HRH4: variants seen among roughly 807,000 people sequenced by gnomAD.
HRH4 encodes histamine receptor H4, also known as histamine H4 receptor.
Under a neutral mutation model 10.4 loss-of-function variants are expected in HRH4, and 12 were observed. The ratio of observed to expected loss-of-function variants is 1.15; its 90% confidence interval spans 0.74 to 1.87. The LOEUF is 1.87. Ranked by LOEUF, HRH4 falls within the 40% of genes most tolerant of loss-of-function variation. HRH4 has a pLI of 0.00. For missense variants in HRH4, 415 were observed against 453.3 expected, an observed-to-expected ratio of 0.92 and a Z score of 0.77; for synonymous variants, 154 against 166.6, an observed-to-expected ratio of 0.92 and a Z score of 0.58.
chr18:24,477,646 C>T lies in HRH4; in HGVS notation c.*84C>T. 1 of 882,552 alleles carries T rather than the reference C, an allele frequency of 1.1e-6. No individual in the cohort carries two copies. Among genetic ancestry groups the T allele is most frequent in the Non-Finnish European group, 1.7e-6 (1 of 585,910 alleles). The allele number at this position is 882,552 out of a possible 1,614,324, so 54.7% of individuals were successfully genotyped here. On this transcript the variant is annotated 3_prime_UTR_variant, in exon 3 of 3. Transcript: ENST00000256906. ...TGCCCTTTATCTTGCCCTTTTCATTCTACCAACAGATCTGCACTTTGAAGT... is the reference window on the plus strand; with the variant it reads ...TGCCCTTTATCTTGCCCTTTTCATTTTACCAACAGATCTGCACTTTGAAGT...
chr18:24,471,229 C>T (rs1909939736), intron 2 of HRH4, among the ~76,000 whole-genome samples: 1 of 151,996 alleles, frequency 6.6e-6, no homozygotes, highest in South Asian at 2.1e-4. Flanking sequence ...TTTCAAACTG[C>T]TGGCCTTGAC....
intron 2 of HRH4, among the ~76,000 whole-genome samples, chr18:24,474,426 CT>C (rs1430001917): frequency 6.6e-6 from 1 of 152,030 alleles, no homozygotes; most frequent in African/African-American, 2.4e-5. Flanking sequence ...AAATTATTAA[CT>C]AGCTTTCTTT....
chr18:24,466,015 T>G (rs1599775469), intron 1 of HRH4, among the ~76,000 whole-genome samples: 1 of 152,114 alleles, frequency 6.6e-6, no homozygotes, highest in South Asian at 2.1e-4. Context: ...TTGGGAACAT[T>G]GGAAGCCACA....
intron 2 of HRH4, among the ~76,000 whole-genome samples, chr18:24,472,342 G>A (rs926938795): frequency 7.2e-5 from 11 of 152,086 alleles, no homozygotes; most frequent in Non-Finnish European, 8.8e-5. Context: ...CACCATGCCC[G>A]GCCTGTTTTT....
intron 1 of HRH4, among the ~76,000 whole-genome samples, chr18:24,464,823 G>A (rs1909731962): frequency 6.6e-6 from 1 of 151,992 alleles, no homozygotes; most frequent in African/African-American, 2.4e-5. Context: ...GTTTCTACTG[G>A]GAGCAGGGGC....
rs1910242329 is a variant in HRH4, at chr18:24,479,279, T to C, written c.*1717T>C. On this transcript the variant is annotated 3_prime_UTR_variant, in exon 3 of 3. Transcript: ENST00000256906. ...ACAAGACACCACAATAATTATTGCC[T>C]GTATGTCAATTATTATTTTAAAATA... The C allele has an allele frequency of 6.6e-6, 1 of 152,188 alleles. No individual in the cohort carries two copies. Among genetic ancestry groups the C allele is most frequent in the African/African-American group, 2.4e-5 (1 of 41,444 alleles). The allele number at this position is 152,188 out of a possible 1,614,324, so 9.4% of individuals were successfully genotyped here.
chr18:24,464,547 C>G (rs147851517), intron 1 of HRH4, among the ~76,000 whole-genome samples: 1 of 152,154 alleles, frequency 6.6e-6, no homozygotes, highest in Non-Finnish European at 1.5e-5. Context: ...TCCACACATT[C>G]CTCTGGCGGC....
At chr18:24,473,540 G>A (rs112791876) in intron 2 of HRH4, among the ~76,000 whole-genome samples, 5,622 of 152,224 alleles carry the variant, frequency 0.037, 173 homozygotes, top group African/African-American at 0.071. Context: ...CTGTTGTAAC[G>A]TGGTGTTGTC....
Position 24,460,754 on chromosome 18 carries a change from A to G in HRH4, c.26A>G (p.Asn9Ser). The stretch of plus-strand genomic sequence containing the variant: ...ATGCCAGATACTAATAGCACAATCA[A>G]TTTATCACTAAGCACTCGTGTTACT... MPDTNSTINLSLSTRVTLA... is the reference protein window; with the variant it reads MPDTNSTISLSLSTRVTLA... Residue 9 changes from asparagine (N) to serine (S), a missense_variant, in exon 1 of 3, where the codon AAT (asparagine) becomes AGT (serine). By Grantham distance (46) the Asn-to-Ser change is conservative. Coordinates refer to ENST00000256906, the MANE Select transcript of HRH4 (RefSeq NM_021624.4). 2 of 1,526,024 alleles carry G rather than the reference A, an allele frequency of 1.3e-6. No homozygotes were observed. Among genetic ancestry groups the G allele is most frequent in the Non-Finnish European group, 1.8e-6 (2 of 1,122,812 alleles). 94.5% of individuals were successfully genotyped at this position (1,526,024 alleles called of 1,614,324 possible). A position where few individuals can be genotyped will look rare whatever the true frequency, so the allele number is the denominator to read the frequency against.
intron 2 of HRH4, among the ~76,000 whole-genome samples, chr18:24,472,723 C>A (rs879941189): frequency 6.6e-6 from 1 of 152,096 alleles, no homozygotes; most frequent in Non-Finnish European, 1.5e-5. Context: ...AAAAGAAAAG[C>A]CCAGTGCAGG....
intron 2 of HRH4, among the ~76,000 whole-genome samples, chr18:24,470,196 A>G (rs1381316463): frequency 2.6e-5 from 4 of 152,118 alleles, no homozygotes; most frequent in Non-Finnish European, 5.9e-5. Context: ...AGCAAGATAA[A>G]TGTTTATTTT....
intron 1 of HRH4, among the ~76,000 whole-genome samples, chr18:24,467,625 C>A (rs1174793290): frequency 1.3e-5 from 2 of 152,126 alleles, no homozygotes; most frequent in Non-Finnish European, 2.9e-5. Flanking sequence ...TTCACTGCAA[C>A]CTCCATCTCC....
At position 24,468,772 on chromosome 18, in the gene HRH4, T is replaced by C. The variant is rs568284251; in HGVS notation, c.194-16T>C. 8 of 1,605,326 alleles carry C rather than the reference T, an allele frequency of 5.0e-6. No homozygotes were observed. The highest frequency in any genetic ancestry group is 5.9e-6 in the Non-Finnish European group (7 of 1,176,618). Reference sequence around the variant, plus strand: ...GATGTGCGCTATGTTTTTACACTTATGTTTTCCCTGTGCAGGTGTGATCTC... The same window carrying C: ...GATGTGCGCTATGTTTTTACACTTACGTTTTCCCTGTGCAGGTGTGATCTC... On this transcript the variant is annotated splice_polypyrimidine_tract_variant and intron_variant, in intron 1 of 2. Coordinates refer to ENST00000256906, the MANE Select transcript of HRH4 (RefSeq NM_021624.4).
chr18:24,468,777 TC>T lies in HRH4; in HGVS notation c.194-8del, dbSNP rs1258659854. On this transcript the variant is annotated splice_polypyrimidine_tract_variant and intron_variant, in intron 1 of 2. Coordinates refer to ENST00000256906, the MANE Select transcript of HRH4 (RefSeq NM_021624.4). ...GCGCTATGTTTTTACACTTATGTTT[TC>T]CCTGTGCAGGTGTGATCTCCATTCC... is the stretch of plus-strand genomic sequence containing the variant. The T allele has an allele frequency of 5.0e-6, 8 of 1,606,044 alleles. No individual in the cohort carries two copies. In the African/African-American group the frequency reaches 1.1e-4, roughly 22 times the overall value.
intron 2 of HRH4, 100 bp downstream of exon 2, chr18:24,469,051 C>T (rs908161642): frequency 4.1e-5 from 37 of 906,434 alleles, no homozygotes; most frequent in South Asian, 9.4e-5. Context: ...TTAATTTAAT[C>T]GACAGGCCTT....
At chr18:24,475,439 C>T (rs1435032051) in intron 2 of HRH4, among the ~76,000 whole-genome samples, 1 of 152,124 alleles carries the variant, frequency 6.6e-6, no homozygotes, top group Non-Finnish European at 1.5e-5. Context: ...GCATGGACAA[C>T]ATAGTGAGGC....
In HRH4 at chr18:24,479,785, T is replaced by C. The variant is rs755777490; in HGVS notation, c.*2223T>C. On this transcript the variant is annotated 3_prime_UTR_variant, in exon 3 of 3. Transcript: ENST00000256906. The stretch of plus-strand genomic sequence containing the variant: ...TGATTTTCATGTTTCTTAGAAACTT[T>C]AAACCTTTAACTTCAAACATTAAAA... 1 of 152,238 alleles carries C rather than the reference T, an allele frequency of 6.6e-6. No individual in the cohort carries two copies. Among genetic ancestry groups the C allele is most frequent in the Non-Finnish European group, 1.5e-5 (1 of 68,044 alleles). 9.4% of individuals were successfully genotyped at this position (152,238 alleles called of 1,614,324 possible).
chr18:24,462,493 A>C (rs1469747395), intron 1 of HRH4, among the ~76,000 whole-genome samples: 1 of 152,136 alleles, frequency 6.6e-6, no homozygotes, highest in African/African-American at 2.4e-5. Context: ...AGCTAGGATG[A>C]TTGGAAAGGA....
Position 24,477,491 on chromosome 18 carries a change from G to C in HRH4, c.1102G>C (p.Ala368Pro), listed in dbSNP as rs762574759. The C allele has an allele frequency of 1.2e-6, 2 of 1,610,036 alleles. No individual in the cohort carries two copies. Among genetic ancestry groups the C allele is most frequent in the African/African-American group, 2.7e-5 (2 of 74,586 alleles). The part of the protein sequence containing the change: ...YPLCHKRFQK[A>P]FLKIFCIKKQ... ...ATTGTGTCACAAGCGCTTTCAAAAG[G>C]CTTTCTTGAAAATATTTTGTATAAA... The change falls in exon 3 of 3, where the codon GCT becomes CCT. Residue 368 changes from alanine to proline, a missense_variant. Coordinates refer to ENST00000256906, the MANE Select transcript of HRH4 (RefSeq NM_021624.4).
Sources: gnomAD v4.1 joint callset for allele counts (sites outside exome capture counted in the v4.1 genomes callset) on GRCh38, gnomAD v4.1.1 for gene constraint, MANE v1.5 for transcripts, NCBI Gene and HGNC (gene_info 2026-07-23, HGNC 2026-07-21) for gene names.